Variants in CPE observed in about 807,000 individuals in gnomAD.
CPE encodes carbocypeptidase E.
In CPE, 17 loss-of-function variants were observed where a neutral mutation model predicts 53.5. That is an observed-to-expected ratio of 0.32 (90% CI 0.22 to 0.48). CPE has a LOEUF of 0.48. CPE is among the 20% of genes least tolerant of loss of function. The pLI, the probability that CPE is intolerant of heterozygous loss-of-function variation, is 0.99. For missense variants in CPE, 524 were observed against 614.7 expected, an observed-to-expected ratio of 0.85 and a Z score of 1.56; for synonymous variants, 226 against 228.8, an observed-to-expected ratio of 0.99 and a Z score of 0.11.
At chr4:165,491,492 C>T (rs1382421307) in intron 6 of CPE, among the ~76,000 whole-genome samples, 2 of 152,046 alleles carry the variant, frequency 1.3e-5, no homozygotes, top group East Asian at 3.9e-4. Context: ...GATTTTTCAT[C>T]TTTTAATTCA....
At chr4:165,401,744 A>T (rs1239213489) in intron 1 of CPE, among the ~76,000 whole-genome samples, 2 of 152,208 alleles carry the variant, frequency 1.3e-5, no homozygotes, top group African/African-American at 4.8e-5. Flanking sequence ...AGATTGAGTG[A>T]TGCCACAATA....
Position 165,480,997 on chromosome 4 carries a change from T to G in CPE, c.673-1245T>G, listed in dbSNP as rs868706831. 3.4e-3 allele frequency among the ~76,000 whole-genome samples: 385 copies of G among 111,676 alleles called. 1 individual carries two copies. The highest frequency in any genetic ancestry group is 0.011 in the African/African-American group (365 of 32,262). The allele number at this position is 111,676 out of a possible 152,430, so 73.3% of individuals were successfully genotyped here. On this transcript the variant is annotated intron_variant, in intron 3 of 8. Coordinates refer to ENST00000402744, the MANE Select transcript of CPE (RefSeq NM_001873.4). Reference sequence around the variant, plus strand: ...CTGTCTCTACATTTTCTACAATGGATATATATATATATATATATATTTTTT... The same window carrying G: ...CTGTCTCTACATTTTCTACAATGGAGATATATATATATATATATATTTTTT...
intron 1 of CPE, among the ~76,000 whole-genome samples, chr4:165,400,336 G>T (rs1328764663): frequency 6.6e-6 from 1 of 152,126 alleles, no homozygotes; most frequent in African/African-American, 2.4e-5. Context: ...AATAGGCAAA[G>T]GAGAGAAAGT....
chr4:165,456,896 A>G (rs761849590), intron 1 of CPE, among the ~76,000 whole-genome samples: 4 of 151,728 alleles, frequency 2.6e-5, no homozygotes, highest in Non-Finnish European at 5.9e-5. Flanking sequence ...ACCCACCACC[A>G]TGCCCGGCTA....
At chr4:165,381,298 G>T in intron 1 of CPE, 1 of 456,244 alleles carries the variant, frequency 2.2e-6, no homozygotes, top group Non-Finnish European at 4.4e-6. Context: ...GCTGTATGAA[G>T]TGGGGACCCT....
chr4:165,413,968 A>G (rs1731082987), intron 1 of CPE, among the ~76,000 whole-genome samples: 1 of 152,214 alleles, frequency 6.6e-6, no homozygotes, highest in South Asian at 2.1e-4. Flanking sequence ...CGAGTATTCT[A>G]TTTTGATATG....
At chr4:165,420,330 A>G (rs973313218) in intron 1 of CPE, among the ~76,000 whole-genome samples, 4 of 152,156 alleles carry the variant, frequency 2.6e-5, no homozygotes, top group Admixed American at 6.5e-5. Context: ...TATTGGTGAT[A>G]TACTTCTCAT....
chr4:165,452,527 C>T (rs13147995), intron 1 of CPE, among the ~76,000 whole-genome samples: 2 of 151,742 alleles, frequency 1.3e-5, no homozygotes, highest in Non-Finnish European at 2.9e-5. Context: ...TTATAAATGT[C>T]TAGAATAAGG....
chr4:165,417,555 GTA>G (rs886640770), intron 1 of CPE, among the ~76,000 whole-genome samples: 16 of 100,066 alleles, frequency 1.6e-4, no homozygotes, highest in African/African-American at 8.0e-4. Flanking sequence ...TTTATTGGCA[GTA>G]TTTTTTTTTT....
intron 1 of CPE, among the ~76,000 whole-genome samples, chr4:165,425,850 C>T (rs1369106054): frequency 6.6e-6 from 1 of 152,056 alleles, no homozygotes; most frequent in Non-Finnish European, 1.5e-5. Flanking sequence ...TGGTGGAGGC[C>T]ATAGATGCTG....
At chr4:165,466,525 C>CT (rs879640554) in intron 2 of CPE, among the ~76,000 whole-genome samples, 12 of 148,770 alleles carry the variant, frequency 8.1e-5, no homozygotes, top group South Asian at 6.5e-4. Flanking sequence ...CTGTAACTTT[C>CT]TTTTTTTTTT....
intron 1 of CPE, among the ~76,000 whole-genome samples, chr4:165,403,492 A>G (rs905359517): frequency 6.6e-6 from 1 of 152,168 alleles, no homozygotes; most frequent in African/African-American, 2.4e-5. Context: ...GTTGGAATAA[A>G]TAATCATTGG....
At chr4:165,472,387 T>C (rs375768162) in intron 3 of CPE, among the ~76,000 whole-genome samples, 6 of 152,294 alleles carry the variant, frequency 3.9e-5, no homozygotes, top group African/African-American at 1.4e-4. Flanking sequence ...GAAAAAGTCT[T>C]AGGGCAGCCA....
At chr4:165,422,577 TG>T (rs1470061063) in intron 1 of CPE, among the ~76,000 whole-genome samples, 2 of 152,208 alleles carry the variant, frequency 1.3e-5, no homozygotes, top group African/African-American at 4.8e-5. Flanking sequence ...AGGATGTACC[TG>T]TGACACAGCC....
intron 3 of CPE, among the ~76,000 whole-genome samples, chr4:165,479,508 C>T (rs1732364391): frequency 6.6e-6 from 1 of 152,098 alleles, no homozygotes; most frequent in Admixed American, 6.5e-5. Context: ...ATAGTGGTCA[C>T]TTAATACTTA....
chr4:165,409,814 G>A (rs184026747), intron 1 of CPE, among the ~76,000 whole-genome samples: 1 of 152,158 alleles, frequency 6.6e-6, no homozygotes, highest in East Asian at 1.9e-4. Flanking sequence ...GTTGAATTTG[G>A]TAAAATTTCC....
chr4:165,488,156 C>T (rs1306768306), intron 6 of CPE, among the ~76,000 whole-genome samples: 1 of 152,144 alleles, frequency 6.6e-6, no homozygotes, highest in Non-Finnish European at 1.5e-5. Flanking sequence ...ATTTAATCCA[C>T]ACAACAACCT....
chr4:165,495,706 T>TATA, intron 8 of CPE, 29 bp downstream of exon 8: 1 of 1,413,206 alleles, frequency 7.1e-7, no homozygotes, highest in African/African-American at 1.4e-5. Context: ...AGCCAAACGC[T>TATA]ATAATAATAA....
chr4:165,386,363 T>A (rs1311139741), intron 1 of CPE: 3 of 439,838 alleles, frequency 6.8e-6, no homozygotes, highest in Middle Eastern at 7.3e-4. Context: ...ATGTCTAGTA[T>A]TATGCTTGGG....
Sources: allele counts gnomAD v4.1 joint callset (sites outside exome capture counted in the v4.1 genomes callset), GRCh38; gene constraint gnomAD v4.1.1; transcripts MANE v1.5; gene names NCBI Gene and HGNC (gene_info 2026-07-23, HGNC 2026-07-21).